Variants in ITFG2 observed in about 807,000 individuals in gnomAD.
ITFG2 encodes KICSTOR complex protein ITFG2.
In ITFG2, 36 loss-of-function variants were observed where a neutral mutation model predicts 54.4. That is an observed-to-expected ratio of 0.66 (90% CI 0.51 to 0.87). ITFG2 has a LOEUF of 0.87. ITFG2 is among the 40% of genes least tolerant of loss of function. The pLI is 0.00. For synonymous variants in ITFG2, 211 were observed against 225.4 expected (o/e 0.94, Z 0.57); for missense variants, 524 against 576.7 (o/e 0.91, Z 0.94).
chr12:2,822,710 G>A, intron 9 of ITFG2, 84 bp from the exon 10 acceptor site: 3 of 1,207,364 alleles, frequency 2.5e-6, no homozygotes, highest in Non-Finnish European at 3.7e-6. Flanking sequence ...ACCCACGGGT[G>A]AAATTCCTCC....
At chr12:2,839,016 G>T (rs913107207) in intron 1 of ITFG2, among the ~76,000 whole-genome samples, 1 of 152,070 alleles carries the variant, frequency 6.6e-6, no homozygotes, top group Non-Finnish European at 1.5e-5. Flanking sequence ...ATTTAGCTGG[G>T]CACAGTGGCT....
downstream of ITFG2, among the ~76,000 whole-genome samples, chr12:2,829,794 G>C (rs1315980469): frequency 1.3e-5 from 2 of 150,728 alleles, no homozygotes; most frequent in Non-Finnish European, 3.0e-5. Flanking sequence ...GACCGGAAAA[G>C]TCGAGGGGTG....
chr12:2,817,707 C>T (rs1349761644), intron 2 of ITFG2: 1 of 536,018 alleles, frequency 1.9e-6, no homozygotes, highest in East Asian at 2.9e-5. Flanking sequence ...TTAACCGCCT[C>T]AGGTCTTCAT....
chr12:2,818,446 A>C, intron 4 of ITFG2, 169 bp downstream of exon 4: 1 of 1,395,208 alleles, frequency 7.2e-7, no homozygotes, highest in Non-Finnish European at 9.7e-7. Flanking sequence ...GAATTGCCAT[A>C]GTGAATAAAT....
downstream of ITFG2, chr12:2,826,991 C>G: frequency 3.6e-6 from 5 of 1,376,688 alleles, no homozygotes; most frequent in South Asian, 8.5e-5. Flanking sequence ...GCATCGTGGG[C>G]CCTCTAGTGA....
chr12:2,828,781 G>A (rs1042066099), downstream of ITFG2, among the ~76,000 whole-genome samples: 3 of 152,182 alleles, frequency 2.0e-5, no homozygotes, highest in East Asian at 1.9e-4. Flanking sequence ...GGCGGAGGTT[G>A]TGGTGAGCCA....
chr12:2,849,188 C>G, intron 2 of ITFG2: 1 of 1,498,932 alleles, frequency 6.7e-7, no homozygotes, highest in Non-Finnish European at 8.8e-7. Context: ...AACACTGGAG[C>G]CTGGGGCTCT....
At chr12:2,819,808 AGGTG>A (rs2097936522) in intron 4 of ITFG2, 5 of 269,974 alleles carry the variant, frequency 1.9e-5, no homozygotes, top group Non-Finnish European at 3.5e-5. Context: ...GGGGGCTTGT[AGGTG>A]GTGGGAGATA....
intron 2 of ITFG2, among the ~76,000 whole-genome samples, chr12:2,846,277 C>G (rs991779337): frequency 6.6e-6 from 1 of 152,182 alleles, no homozygotes; most frequent in African/African-American, 2.4e-5. Context: ...TGTGTGAGTG[C>G]AGCTTCCTTT....
downstream of ITFG2, among the ~76,000 whole-genome samples, chr12:2,831,682 C>A (rs1047752971): frequency 6.6e-6 from 1 of 152,156 alleles, no homozygotes; most frequent in African/African-American, 2.4e-5. Context: ...TCCATCCAGT[C>A]ACTTCCCAAA....
chr12:2,816,259 G>A lies in ITFG2; in HGVS notation c.97-964G>A, dbSNP rs576147965. Among the ~76,000 whole-genome samples, 48 of 151,406 alleles carry A rather than the reference G, an allele frequency of 3.2e-4. No homozygotes were observed. In the South Asian group the frequency reaches 6.3e-3, roughly 20 times the overall value. ...TTGGCCAGGCTGGTCTCGAACTCCT[G>A]ACCTCATGTGATCCACCCGCCTCGG... On this transcript the variant is annotated intron_variant, in intron 1 of 11. Coordinates refer to ENST00000228799, the MANE Select transcript of ITFG2 (RefSeq NM_018463.4).
chr12:2,812,721 T>C lies in ITFG2; in HGVS notation c.-40T>C. 1.9e-6 allele frequency: 3 copies of C among 1,559,032 alleles called. No individual in the cohort carries two copies. The highest frequency in any genetic ancestry group is 2.6e-6 in the Non-Finnish European group (3 of 1,132,582). On this transcript the variant is annotated 5_prime_UTR_variant, in exon 1 of 12. Coordinates refer to ENST00000228799, the MANE Select transcript of ITFG2 (RefSeq NM_018463.4). Reference sequence around the variant, plus strand: ...TGTCGCGACGGGGGTTCAGGGAATATTTACTGGGCCTCTCCGCTCCCTCTG... The same window carrying C: ...TGTCGCGACGGGGGTTCAGGGAATACTTACTGGGCCTCTCCGCTCCCTCTG...
chr12:2,820,000 G>C, intron 4 of ITFG2, 86 bp from the exon 5 acceptor site: 1 of 1,495,518 alleles, frequency 6.7e-7, no homozygotes, highest in Non-Finnish European at 8.9e-7. Flanking sequence ...GTGTGAAGCC[G>C]CACTGGCTGG....
rs373063840 is a variant in ITFG2, at chr12:2,820,101, G to T, written c.422G>T (p.Arg141Leu). The change falls in exon 5 of 12, where the codon CGT becomes CTT. Residue 141 changes from arginine to leucine, a missense_variant. Arg to Leu is a moderately radical substitution (Grantham distance 102). Transcript: ENST00000228799. ...ATGCCCACAGATGGAGATGGGTGTC[G>T]TGAGCTGGTGGTGGGCTACACAGAC... is the stretch of plus-strand genomic sequence containing the variant. ...LISDIDGDGC[R>L]ELVVGYTDRV... 5.0e-6 allele frequency: 8 copies of T among 1,611,046 alleles called. No homozygotes were observed. The African/African-American group carries it at 8.0e-5, about 16-fold the overall frequency.
intron 2 of ITFG2, chr12:2,857,303 C>T: frequency 2.0e-6 from 1 of 502,140 alleles, no homozygotes; most frequent in East Asian, 3.6e-5. Context: ...GCTCCCAGGC[C>T]TCAGGGTGGG....
At chr12:2,821,891 C>A in intron 9 of ITFG2, 99 bp downstream of exon 9, 3 of 872,178 alleles carry the variant, frequency 3.4e-6, no homozygotes, top group South Asian at 3.2e-5. Flanking sequence ...CAGGGAACTC[C>A]CAACCTTTAT....
downstream of ITFG2, chr12:2,828,555 C>T (rs184243242): frequency 5.1e-5 from 35 of 690,592 alleles, no homozygotes; most frequent in East Asian, 5.7e-4. Context: ...TGGCTTTTAT[C>T]GGGGCCAGGC....
upstream of ITFG2, chr12:2,835,125 G>A: frequency 7.0e-7 from 1 of 1,435,908 alleles, no homozygotes; most frequent in South Asian, 1.5e-5. Context: ...CCCAACGCTG[G>A]GGTCCTGGTC....
rs770845963 is a variant in ITFG2, at chr12:2,822,858, A to G, written c.1013A>G (p.Asn338Ser). The change falls in exon 10 of 12, where the codon AAC becomes AGC. Residue 338 changes from asparagine to serine, a missense_variant. Asn to Ser is a conservative substitution (Grantham distance 46). Coordinates refer to ENST00000228799, the MANE Select transcript of ITFG2 (RefSeq NM_018463.4). ...GGACAGACATATATCATTGATCACA[A>G]CCGCACCGTCGTCCGCTTCCAAGTG... ...WDGQTYIIDH[N>S]RTVVRFQVDE... 1.2e-6 allele frequency: 2 copies of G among 1,613,884 alleles called. No homozygotes were observed. The highest frequency in any genetic ancestry group is 1.7e-6 in the Non-Finnish European group (2 of 1,180,006).
Sources: allele counts gnomAD v4.1 joint callset (sites outside exome capture counted in the v4.1 genomes callset), GRCh38; gene constraint gnomAD v4.1.1; transcripts MANE v1.5; gene names NCBI Gene and HGNC (gene_info 2026-07-23, HGNC 2026-07-21).